The following CPEB3 variants were observed in gnomAD, a reference collection of about 807,000 sequenced individuals.
CPEB3 encodes cytoplasmic polyadenylation element binding protein 3, also known as cytoplasmic polyadenylation element-binding protein 3.
Under a neutral mutation model 67.2 loss-of-function variants are expected in CPEB3, and 20 were observed. That is an observed-to-expected ratio of 0.30 (90% CI 0.21 to 0.43). The LOEUF is 0.43. CPEB3 is among the 20% of genes least tolerant of loss of function. The pLI is 1.00. For missense variants in CPEB3, 746 were observed against 968.6 expected (o/e 0.77, Z 3.05); for synonymous variants, 376 against 393.1 (o/e 0.96, Z 0.51).
chr10:92,245,604 TA>T (rs1852026698), intron 1 of CPEB3, among the ~76,000 whole-genome samples: 1 of 152,216 alleles, frequency 6.6e-6, no homozygotes, highest in African/African-American at 2.4e-5. Context: ...TCTAGCCTCC[TA>T]AAGAAAGCTC....
chr10:92,165,228 T>A (rs1446274837), intron 4 of CPEB3, among the ~76,000 whole-genome samples: 1 of 152,012 alleles, frequency 6.6e-6, no homozygotes, highest in Non-Finnish European at 1.5e-5. Context: ...GGGAGGACTG[T>A]TTGAGGCCAG....
At chr10:92,277,162 A>T (rs1842030133) in intron 1 of CPEB3, among the ~76,000 whole-genome samples, 1 of 152,120 alleles carries the variant, frequency 6.6e-6, no homozygotes, top group African/African-American at 2.4e-5. Flanking sequence ...CAATTTATCT[A>T]TTCTTTCTTT....
At chr10:92,137,345 T>C (rs1281852467) in intron 6 of CPEB3, 46 of 928,154 alleles carry the variant, frequency 5.0e-5, no homozygotes, top group Non-Finnish European at 6.5e-6. Flanking sequence ...ATATCTGATA[T>C]GCTTAACCAG....
At chr10:92,253,515 A>G (rs1852396997) in intron 1 of CPEB3, among the ~76,000 whole-genome samples, 1 of 151,734 alleles carries the variant, frequency 6.6e-6, no homozygotes, top group South Asian at 2.1e-4. Flanking sequence ...TCAGAAAACT[A>G]AACATTTATT....
chr10:92,123,403 C>T (rs928247527), intron 6 of CPEB3, among the ~76,000 whole-genome samples: 1 of 143,866 alleles, frequency 7.0e-6, no homozygotes, highest in Non-Finnish European at 1.5e-5. Context: ...GGACCAAGGA[C>T]GCTAAGATTA....
intron 9 of CPEB3, among the ~76,000 whole-genome samples, chr10:92,064,155 A>C (rs1256060747): frequency 1.3e-5 from 2 of 152,224 alleles, no homozygotes; most frequent in Non-Finnish European, 2.9e-5. Context: ...CATAAGAAGG[A>C]AAACAATGAA....
intron 9 of CPEB3, among the ~76,000 whole-genome samples, chr10:92,071,111 C>A (rs2133130650): frequency 6.8e-6 from 1 of 147,020 alleles, no homozygotes; most frequent in African/African-American, 2.7e-5. Flanking sequence ...ACACACACTT[C>A]CTTCAAGCTA....
At chr10:92,112,414 G>C (rs1844796483) in intron 6 of CPEB3, among the ~76,000 whole-genome samples, 1 of 152,104 alleles carries the variant, frequency 6.6e-6, no homozygotes, top group Non-Finnish European at 1.5e-5. Context: ...CAAAGTGCTG[G>C]GATTACAGGT....
At chr10:92,284,586 C>G (rs1161257625) in intron 1 of CPEB3, among the ~76,000 whole-genome samples, 1 of 152,080 alleles carries the variant, frequency 6.6e-6, no homozygotes, top group Non-Finnish European at 1.5e-5. Context: ...TTCCCTTTAT[C>G]TAGTTAATGC....
intron 6 of CPEB3, among the ~76,000 whole-genome samples, chr10:92,128,262 C>T (rs1246612588): frequency 1.3e-5 from 2 of 152,168 alleles, no homozygotes; most frequent in East Asian, 3.8e-4. Context: ...CTGGGCCACA[C>T]TTGAAGAAGA....
At chr10:92,176,612 T>C (rs1848231579) in intron 4 of CPEB3, among the ~76,000 whole-genome samples, 2 of 152,240 alleles carry the variant, frequency 1.3e-5, no homozygotes, top group African/African-American at 4.8e-5. Flanking sequence ...TTTCCGATAT[T>C]TATCTGTTTT....
intron 2 of CPEB3, among the ~76,000 whole-genome samples, chr10:92,199,858 A>G (rs1324537562): frequency 6.6e-6 from 1 of 151,066 alleles, no homozygotes; most frequent in Non-Finnish European, 1.5e-5. Context: ...ATAGATATTC[A>G]TTACATAATA....
At chr10:92,076,612 G>A (rs979111352) in intron 9 of CPEB3, among the ~76,000 whole-genome samples, 3 of 149,954 alleles carry the variant, frequency 2.0e-5, no homozygotes, top group Non-Finnish European at 3.0e-5. Flanking sequence ...TGGGGTCTCC[G>A]TATGTTGCCC....
chr10:92,260,516 A>G (rs1177148004), intron 1 of CPEB3, among the ~76,000 whole-genome samples: 1 of 148,398 alleles, frequency 6.7e-6, no homozygotes, highest in Non-Finnish European at 1.5e-5. Context: ...ACACCACTGC[A>G]CTCCAGCCTG....
intron 2 of CPEB3, among the ~76,000 whole-genome samples, chr10:92,229,821 G>GATC (rs1457851229): frequency 6.6e-6 from 1 of 152,216 alleles, no homozygotes; most frequent in Admixed American, 6.5e-5. Context: ...AAGGCAGGGA[G>GATC]ATCACCTGAG....
intron 9 of CPEB3, among the ~76,000 whole-genome samples, chr10:92,061,392 C>G (rs1438341763): frequency 1.4e-5 from 2 of 138,238 alleles, no homozygotes; most frequent in African/African-American, 5.6e-5. Context: ...GCACTCCAGC[C>G]TGGGTGAAAA....
At chr10:92,181,758 A>G (rs561716191) in intron 3 of CPEB3, among the ~76,000 whole-genome samples, 1 of 152,248 alleles carries the variant, frequency 6.6e-6, no homozygotes, top group Non-Finnish European at 1.5e-5. Context: ...AAATAAAACA[A>G]AGAACAATAT....
intron 1 of CPEB3, among the ~76,000 whole-genome samples, chr10:92,290,416 CAGAGAGAG>C (rs755980814): frequency 6.6e-6 from 1 of 151,952 alleles, no homozygotes; most frequent in Non-Finnish European, 1.5e-5. Flanking sequence ...TGACCAGCAG[CAGAGAGAG>C]AAACAAACAT....
chr10:92,218,429 A>C (rs1264126621), intron 2 of CPEB3, among the ~76,000 whole-genome samples: 3 of 152,068 alleles, frequency 2.0e-5, no homozygotes, highest in Non-Finnish European at 1.5e-5. Flanking sequence ...CAGACAAACA[A>C]ACACCAAAAA....
Sources: gnomAD v4.1 joint callset for allele counts (sites outside exome capture counted in the v4.1 genomes callset) on GRCh38, gnomAD v4.1.1 for gene constraint, MANE v1.5 for transcripts, NCBI Gene and HGNC (gene_info 2026-07-23, HGNC 2026-07-21) for gene names.